Variants in ATP1A4 observed in about 807,000 individuals in gnomAD.
ATP1A4 encodes ATPase Na+/K+ transporting subunit alpha 4, also known as sodium/potassium-transporting ATPase subunit alpha-4.
ATP1A4 carries 90 observed loss-of-function variants against 114.3 expected under a neutral mutation model. That is an observed-to-expected ratio of 0.79 (90% confidence interval 0.66 to 0.94). ATP1A4 has a LOEUF of 0.94. Among genes scored for constraint, ATP1A4 ranks in the 40% least tolerant of loss-of-function variants. The pLI is 0.00. For missense variants in ATP1A4, 1,222 were observed against 1,313.6 expected (o/e 0.93, Z 1.08); for synonymous variants, 511 against 494.1 (o/e 1.03, Z -0.45).
intron 8 of ATP1A4, 69 bp downstream of exon 8, chr1:160,166,795 A>G: frequency 6.3e-7 from 1 of 1,597,270 alleles, no homozygotes; most frequent in Non-Finnish European, 8.6e-7. Context: ...CTGAGAGAGA[A>G]TGGTGAGTCC....
intron 18 of ATP1A4, 103 bp downstream of exon 18, chr1:160,177,767 C>A: frequency 7.5e-7 from 1 of 1,333,642 alleles, no homozygotes; most frequent in Non-Finnish European, 1.0e-6. Context: ...GGAAGCACCA[C>A]ACAAACAGAG....
chr1:160,186,681 A>C lies in ATP1A4; in HGVS notation c.3072A>C (p.Glu1024Asp). 6.2e-7 allele frequency: 1 copy of C among 1,611,046 alleles called. No homozygotes were observed. The highest frequency in any genetic ancestry group is 8.5e-7 in the Non-Finnish European group (1 of 1,178,624). ...TCTTCTCTTCCACAGGCTGGGTGGA[A>C]AGGGAGACGTACTACTAAACTCAGC... ...LIRQHPDGWV[E>D]RETYY The change falls in exon 22 of 22, where the codon GAA (glutamate) becomes GAC (aspartate). Residue 1024 changes from glutamate to aspartate, a missense_variant. Physicochemically the swap from Glu to Asp is conservative, Grantham distance 45. Coordinates refer to ENST00000368081, the MANE Select transcript of ATP1A4 (RefSeq NM_144699.4).
intron 7 of ATP1A4, among the ~76,000 whole-genome samples, chr1:160,165,341 A>G (rs748991646): frequency 1.3e-5 from 2 of 152,234 alleles, no homozygotes; most frequent in African/African-American, 4.8e-5. Context: ...AGCTTTTAAA[A>G]CAATCTTGCT....
intron 6 of ATP1A4, among the ~76,000 whole-genome samples, chr1:160,160,928 A>G (rs1370759794): frequency 1.3e-5 from 2 of 152,232 alleles, no homozygotes; most frequent in Non-Finnish European, 2.9e-5. Flanking sequence ...GATGTCTACT[A>G]TTAGATTTTA....
chr1:160,185,569 T>C lies in ATP1A4; in HGVS notation c.2970-707T>C, dbSNP rs1261998669. On this transcript the variant is annotated intron_variant, in intron 20 of 21. Transcript: ENST00000368081. ...GGGAGGCTGAGGCGGGTGGACTGCC[T>C]GAGCTCAAGAGTTCAAGACCGGTCT... 2.0e-5 allele frequency among the ~76,000 whole-genome samples: 3 copies of C among 152,138 alleles called. No individual in the cohort carries two copies. In the East Asian group the frequency reaches 5.8e-4, roughly 30 times the overall value.
intron 4 of ATP1A4, among the ~76,000 whole-genome samples, chr1:160,157,920 C>T (rs886579557): frequency 2.0e-5 from 3 of 152,108 alleles, no homozygotes; most frequent in African/African-American, 4.8e-5. Context: ...TTCCTAGGCA[C>T]GGGACTGGAA....
At position 160,176,505 on chromosome 1, in the gene ATP1A4, G is replaced by GC; in HGVS notation, c.2493_2494insC (p.Ser832LeufsTer3). On this transcript the variant is annotated frameshift_variant, in exon 17 of 22. Transcript: ENST00000368081. LOFTEE classifies it high-confidence loss of function. ...TCCCTGCCATCTCCTTGGCTTATGA[G>GC]TCAGCTGAAAGCGACATCATGAAGA... 6.2e-7 allele frequency: 1 copy of GC among 1,614,168 alleles called. No homozygotes were observed. The highest frequency in any genetic ancestry group is 1.1e-5 in the South Asian group (1 of 91,080).
intron 6 of ATP1A4, among the ~76,000 whole-genome samples, chr1:160,159,971 T>C (rs1652812487): frequency 6.6e-6 from 1 of 152,190 alleles, no homozygotes; most frequent in Non-Finnish European, 1.5e-5. Context: ...CATTGGAAAC[T>C]TGAATTACCA....
At chr1:160,173,337 C>G (rs1438208663) in intron 12 of ATP1A4, among the ~76,000 whole-genome samples, 1 of 152,232 alleles carries the variant, frequency 6.6e-6, no homozygotes, top group Admixed American at 6.5e-5. Context: ...AGTCAAATCT[C>G]TGGCTTATTC....
chr1:160,176,991 G>C (rs762022053), intron 17 of ATP1A4, among the ~76,000 whole-genome samples: 9 of 152,146 alleles, frequency 5.9e-5, no homozygotes, highest in Non-Finnish European at 1.2e-4. Context: ...AAAGGAGTGG[G>C]GAATTTCAGA....
intron 18 of ATP1A4, among the ~76,000 whole-genome samples, chr1:160,178,936 G>A (rs1187793477): frequency 6.6e-6 from 1 of 152,232 alleles, no homozygotes; most frequent in Non-Finnish European, 1.5e-5. Flanking sequence ...ATTATTGCTA[G>A]AATTGTAGCG....
chr1:160,182,149 A>C, intron 20 of ATP1A4, 118 bp downstream of exon 20: 1 of 785,588 alleles, frequency 1.3e-6, no homozygotes, highest in Non-Finnish European at 2.2e-6. Context: ...ATGGAGCTAC[A>C]TGTACACTCA....
chr1:160,166,287 A>G (rs1004173617), intron 7 of ATP1A4, among the ~76,000 whole-genome samples: 4 of 152,180 alleles, frequency 2.6e-5, no homozygotes, highest in Non-Finnish European at 5.9e-5. Context: ...AAAAACAGAA[A>G]AAGACATTTT....
intron 20 of ATP1A4, 40 bp downstream of exon 20, chr1:160,182,071 A>G: frequency 6.6e-7 from 1 of 1,508,972 alleles, no homozygotes. Context: ...ATGTGCAGGC[A>G]CGGGGGAGCA....
In ATP1A4 at chr1:160,176,460, C is replaced by G. The variant is rs1653468086; in HGVS notation, c.2467-19C>G. ...TCTGAACTTTGTGACCCCTGTCATC[C>G]CCACCCTCCATCCTCCAGGTCCCTG... On this transcript the variant is annotated intron_variant, in intron 16 of 21. Transcript: ENST00000368081. The G allele has an allele frequency of 6.2e-7, 1 of 1,613,950 alleles. No homozygotes were observed. The highest frequency in any genetic ancestry group is 8.5e-7 in the Non-Finnish European group (1 of 1,180,002).
chr1:160,157,761 G>T (rs1340912296), intron 4 of ATP1A4, among the ~76,000 whole-genome samples: 1 of 152,180 alleles, frequency 6.6e-6, no homozygotes, highest in Non-Finnish European at 1.5e-5. Context: ...AGTAACTGGG[G>T]TGAAATGTTA....
At chr1:160,176,370 C>G (rs1653463930) in intron 16 of ATP1A4, 109 bp from the exon 17 acceptor site, 15 of 1,586,720 alleles carry the variant, frequency 9.5e-6, no homozygotes, top group Non-Finnish European at 1.1e-5. Flanking sequence ...CTCGCACCTC[C>G]TGCAAGATGG....
chr1:160,174,757 C>T lies in ATP1A4; in HGVS notation c.2311+10C>T, dbSNP rs774221592. 12 of 1,613,656 alleles carry T rather than the reference C, an allele frequency of 7.4e-6. No homozygotes were observed. The South Asian group carries it at 1.3e-4, about 18-fold the overall frequency. ...ACGGGGGTGGAGGAGGGTGAGGAGG[C>T]AGGGTGCCCATGGTGGAGACTTCAA... On this transcript the variant is annotated intron_variant, in intron 15 of 21. Coordinates refer to ENST00000368081, the MANE Select transcript of ATP1A4 (RefSeq NM_144699.4).
Position 160,155,141 on chromosome 1 carries a change from A to G in ATP1A4, c.304A>G (p.Lys102Glu). The G allele has an allele frequency of 6.2e-7, 1 of 1,611,480 alleles. No homozygotes were observed. The highest frequency in any genetic ancestry group is 8.5e-7 in the Non-Finnish European group (1 of 1,179,168). Residue 102 changes from lysine to glutamate, a missense_variant, in exon 3 of 22, where the codon AAG becomes GAG. Coordinates refer to ENST00000368081, the MANE Select transcript of ATP1A4 (RefSeq NM_144699.4). Reference sequence around the variant, plus strand: ...CACTCCAGAATGGGTCAAATTCTGTAAGCAACTGTTCGGAGGCTTCTCCCT... The same window carrying G: ...CACTCCAGAATGGGTCAAATTCTGTGAGCAACTGTTCGGAGGCTTCTCCCT... ...PTTPEWVKFCKQLFGGFSLLL... is the reference protein window; with the variant it reads ...PTTPEWVKFCEQLFGGFSLLL...
Sources: gnomAD v4.1 joint callset for allele counts (sites outside exome capture counted in the v4.1 genomes callset) on GRCh38, gnomAD v4.1.1 for gene constraint, MANE v1.5 for transcripts, NCBI Gene and HGNC (gene_info 2026-07-23, HGNC 2026-07-21) for gene names.